The following CNGB1 variants were observed in gnomAD, a reference collection of about 807,000 sequenced individuals.
CNGB1 encodes cyclic nucleotide gated channel subunit beta 1, also known as cyclic nucleotide-gated channel beta-1.
A neutral mutation model predicts 151.7 loss-of-function variants in CNGB1; 126 were observed. The observed-to-expected ratio is 0.83, with a 90% confidence interval of 0.72 to 0.96. The LOEUF (loss-of-function observed/expected upper bound fraction) is 0.96. Among genes scored for constraint, CNGB1 ranks in the 40% least tolerant of loss-of-function variants. CNGB1 has a pLI of 0.00. For missense variants in CNGB1, 1,698 were observed against 1,627.0 expected, an observed-to-expected ratio of 1.04 and a Z score of -0.75; for synonymous variants, 623 against 635.1, an observed-to-expected ratio of 0.98 and a Z score of 0.29.
At chr16:57,936,131 A>G (rs534580421) in intron 16 of CNGB1, among the ~76,000 whole-genome samples, 1 of 152,310 alleles carries the variant, frequency 6.6e-6, no homozygotes, top group East Asian at 1.9e-4. Context: ...GCTCTTTGTC[A>G]TCAGGGAGTG....
At chr16:57,885,582 CTTTCTTTCTTTCTT>C (rs1959905760) in intron 32 of CNGB1, among the ~76,000 whole-genome samples, 1 of 104,174 alleles carries the variant, frequency 9.6e-6, no homozygotes, top group African/African-American at 4.1e-5. Context: ...CTCTCTCTTT[CTTTCTTTCTTTCTT>C]TCTTTCTTTC....
intron 13 of CNGB1, among the ~76,000 whole-genome samples, chr16:57,950,111 A>C (rs1158465752): frequency 6.6e-6 from 1 of 152,212 alleles, no homozygotes; most frequent in African/African-American, 2.4e-5. Context: ...AAATACAGGA[A>C]GGTGTAGATA....
chr16:57,930,115 AAG>A (rs1300565222), intron 17 of CNGB1, among the ~76,000 whole-genome samples: 1 of 152,154 alleles, frequency 6.6e-6, no homozygotes, highest in Non-Finnish European at 1.5e-5. Context: ...CAGGATCTCA[AAG>A]AGATATTTGC....
At chr16:57,964,573 T>A in intron 2 of CNGB1, 29 bp from the exon 3 acceptor site, 2 of 1,613,638 alleles carry the variant, frequency 1.2e-6, no homozygotes. Context: ...ATCATGTAAG[T>A]CCTAGGTGAG....
chr16:57,952,020 G>T (rs186969515), intron 12 of CNGB1, among the ~76,000 whole-genome samples: 1 of 152,208 alleles, frequency 6.6e-6, no homozygotes, highest in African/African-American at 2.4e-5. Context: ...CCCTGAATCC[G>T]GTGGTGGGAC....
chr16:57,885,380 C>A (rs1180819299), intron 32 of CNGB1, among the ~76,000 whole-genome samples: 2 of 152,098 alleles, frequency 1.3e-5, no homozygotes, highest in African/African-American at 2.4e-5. Context: ...TCCAAGAACC[C>A]AAGGCCTCTC....
intron 31 of CNGB1, among the ~76,000 whole-genome samples, chr16:57,896,186 A>G (rs1191794283): frequency 6.6e-6 from 1 of 152,236 alleles, no homozygotes; most frequent in African/African-American, 2.4e-5. Flanking sequence ...GTGACTACCC[A>G]CTAATTACTT....
At chr16:57,953,037 A>T (rs1961995930) in intron 12 of CNGB1, among the ~76,000 whole-genome samples, 2 of 152,064 alleles carry the variant, frequency 1.3e-5, no homozygotes, top group Admixed American at 6.5e-5. Context: ...CAGGCAGCTG[A>T]TTCATAGCTC....
intron 16 of CNGB1, among the ~76,000 whole-genome samples, chr16:57,938,281 TTAG>T (rs1961566682): frequency 6.6e-6 from 1 of 152,188 alleles, no homozygotes; most frequent in Admixed American, 6.5e-5. Context: ...AGGCCTGGAC[TTAG>T]TAGGAATTCC....
chr16:57,941,222 C>T (rs1465946149), intron 14 of CNGB1, among the ~76,000 whole-genome samples: 1 of 152,154 alleles, frequency 6.6e-6, no homozygotes, highest in African/African-American at 2.4e-5. Flanking sequence ...GGACCAGGGA[C>T]TAATGTGATT....
rs377762874 is a variant in CNGB1 at position 57,911,872 on chromosome 16, G to T, written c.2373C>A (p.Val791=). ...AGAGAAGGTAGGCTGTGGTCCTGAT[G>T]ACCCTGCAGAAGGAACACAGCGCAT... ...SILSKAYVYR[V]IRTTAYLLYS... is the part of the protein sequence containing the mutation. Residue 791 remains valine (V), a synonymous_variant, in exon 25 of 33, where the codon GTC becomes GTA. Transcript: ENST00000251102. 41 of 1,613,366 alleles carry T rather than the reference G, an allele frequency of 2.5e-5. No individual in the cohort carries two copies. In the Admixed American group the frequency reaches 4.2e-4, roughly 16 times the overall value.
chr16:57,944,102 G>A (rs1961741280), intron 14 of CNGB1, among the ~76,000 whole-genome samples: 1 of 151,760 alleles, frequency 6.6e-6, no homozygotes, highest in Non-Finnish European at 1.5e-5. Context: ...TGGCCAGGCT[G>A]GTCTTGAACT....
At chr16:57,960,643 G>T (rs576829966) in intron 8 of CNGB1, 113 bp from the exon 9 acceptor site, 9 of 1,402,856 alleles carry the variant, frequency 6.4e-6, no homozygotes, top group Admixed American at 3.9e-5. Context: ...GGATGGGGGT[G>T]GGGGGTGTCT....
At chr16:57,955,744 A>G (rs1364746697) in intron 12 of CNGB1, among the ~76,000 whole-genome samples, 4 of 152,122 alleles carry the variant, frequency 2.6e-5, no homozygotes, top group African/African-American at 9.7e-5. Flanking sequence ...GGCTGTGTAG[A>G]GACGGAGGCG....
chr16:57,934,435 A>G (rs1961449006), intron 16 of CNGB1, among the ~76,000 whole-genome samples: 2 of 152,328 alleles, frequency 1.3e-5, no homozygotes, highest in South Asian at 4.1e-4. Context: ...ACCCTGTCTC[A>G]CAAAATAATA....
intron 8 of CNGB1, 112 bp from the exon 9 acceptor site, chr16:57,960,642 TG>T: frequency 7.7e-6 from 11 of 1,420,752 alleles, no homozygotes; most frequent in South Asian, 1.2e-5. Context: ...GGGATGGGGG[TG>T]GGGGGTGTCT....
In CNGB1 at chr16:57,964,220, A is replaced by G. The variant is rs115569700; in HGVS notation, c.218-18T>C. 6,455 of 1,611,378 alleles carry G rather than the reference A, an allele frequency of 4.0e-3. 192 individuals carry two copies. In the African/African-American group the frequency reaches 0.074, roughly 18 times the overall value. The stretch of plus-strand genomic sequence containing the variant: ...CTTGGTCTCTGGAAAAGAATCTCTC[A>G]TCCTTCAGATCTAGGGCCTCAGACA... On this transcript the variant is annotated intron_variant, in intron 3 of 32. Coordinates refer to ENST00000251102, the MANE Select transcript of CNGB1 (RefSeq NM_001297.5).
At chr16:57,934,175 C>G (rs1297607758) in intron 16 of CNGB1, among the ~76,000 whole-genome samples, 2 of 152,074 alleles carry the variant, frequency 1.3e-5, no homozygotes, top group East Asian at 3.9e-4. Context: ...GTAAAGGGGG[C>G]CAGGCACAGT....
chr16:57,948,674 T>C (rs1420120567), intron 14 of CNGB1, among the ~76,000 whole-genome samples: 1 of 152,048 alleles, frequency 6.6e-6, no homozygotes, highest in Non-Finnish European at 1.5e-5. Flanking sequence ...ATGTCACATC[T>C]CCAGCCCCAC....
Sources: allele counts gnomAD v4.1 joint callset (sites outside exome capture counted in the v4.1 genomes callset), GRCh38; gene constraint gnomAD v4.1.1; transcripts MANE v1.5; gene names NCBI Gene and HGNC (gene_info 2026-07-23, HGNC 2026-07-21).